Variants in MAP4K5 observed in about 807,000 individuals in gnomAD.
MAP4K5 encodes the protein mitogen-activated protein kinase kinase kinase kinase 5, also known as MAPK/ERK kinase kinase kinase 5.
In MAP4K5, 82 loss-of-function variants were observed where a neutral mutation model predicts 135.6. The ratio of observed to expected loss-of-function variants is 0.60; its 90% CI spans 0.51 to 0.73. The LOEUF (loss-of-function observed/expected upper bound fraction) is 0.73. MAP4K5 is among the 30% of genes least tolerant of loss of function. The probability of loss-of-function intolerance (pLI) is 0.00; values close to 1 mark genes in which losing one functional copy is unlikely to be tolerated. For missense variants in MAP4K5, 907 were observed against 1,010.9 expected, an observed-to-expected ratio of 0.90 and a Z score of 1.39; for synonymous variants, 347 against 335.0, an observed-to-expected ratio of 1.04 and a Z score of -0.39.
chr14:50,425,813 G>A, intron 31 of MAP4K5, 94 bp downstream of exon 31: 1 of 815,964 alleles, frequency 1.2e-6, no homozygotes, highest in Middle Eastern at 2.3e-4. Context: ...ACTAAACACA[G>A]TAATGTAGGT....
intron 9 of MAP4K5, among the ~76,000 whole-genome samples, chr14:50,474,297 G>C (rs2037045332): frequency 6.6e-6 from 1 of 151,906 alleles, no homozygotes; most frequent in African/African-American, 2.4e-5. Flanking sequence ...GGCTGAAATG[G>C]GAGGATCATC....
chr14:50,443,841 C>CT lies in MAP4K5; in HGVS notation c.1438-72dup, dbSNP rs2036282226. The CT allele has an allele frequency of 1.4e-5, 21 of 1,490,184 alleles. No homozygotes were observed. The South Asian group carries it at 1.8e-4, about 13-fold the overall frequency. 92.3% of individuals were successfully genotyped at this position (1,490,184 alleles called of 1,614,324 possible). A position where few individuals can be genotyped will look rare whatever the true frequency, so the allele number is the denominator to read the frequency against. On this transcript the variant is annotated intron_variant, in intron 19 of 32. Transcript: ENST00000682126. ...AAAAAGAAACTTGAGACATTTAGAACTTCTGTTACTTGAATTACTGAATTA... is the reference window on the plus strand; with the variant it reads ...AAAAAGAAACTTGAGACATTTAGAACTTTCTGTTACTTGAATTACTGAATTA...
Position 50,468,974 on chromosome 14 carries a change from A to C in MAP4K5, c.543-192T>G, listed in dbSNP as rs73286575. 9.4e-3 allele frequency among the ~76,000 whole-genome samples: 1,437 copies of C among 152,310 alleles called. 26 individuals are homozygous for C. The highest frequency in any genetic ancestry group is 0.033 in the African/African-American group (1,374 of 41,562). On this transcript the variant is annotated intron_variant, in intron 9 of 32. Coordinates refer to ENST00000682126, the MANE Select transcript of MAP4K5 (RefSeq NM_006575.6). ...TACACACTTTTAAAATTAATTAAGA[A>C]TCTTGAATGCCCTCCTCTGAATGTT...
chr14:50,500,470 A>G (rs955608254), intron 3 of MAP4K5, among the ~76,000 whole-genome samples: 6 of 152,240 alleles, frequency 3.9e-5, no homozygotes, highest in Admixed American at 2.6e-4. Context: ...GAGGCATAGT[A>G]GAGTAGGCAG....
At chr14:50,480,778 G>T (rs866134877) in intron 6 of MAP4K5, among the ~76,000 whole-genome samples, 1 of 151,980 alleles carries the variant, frequency 6.6e-6, no homozygotes, top group Non-Finnish European at 1.5e-5. Flanking sequence ...AAACACCTAG[G>T]GTATATGTAT....
chr14:50,523,042 T>C (rs1031693654), intron 2 of MAP4K5, among the ~76,000 whole-genome samples: 9 of 152,356 alleles, frequency 5.9e-5, no homozygotes, highest in Non-Finnish European at 1.0e-4. Flanking sequence ...CTGGGCGCAG[T>C]GGCTCACACC....
intron 10 of MAP4K5, among the ~76,000 whole-genome samples, chr14:50,468,168 G>C (rs2036873600): frequency 1.3e-5 from 2 of 151,842 alleles, no homozygotes; most frequent in Admixed American, 1.3e-4. Context: ...AACTAGAAAA[G>C]TTTCATCTGC....
At chr14:50,509,438 T>C (rs2037883869) in intron 2 of MAP4K5, among the ~76,000 whole-genome samples, 1 of 152,188 alleles carries the variant, frequency 6.6e-6, no homozygotes, top group Non-Finnish European at 1.5e-5. Flanking sequence ...CAAAATAATC[T>C]ACTGAAAACA....
intron 9 of MAP4K5, among the ~76,000 whole-genome samples, chr14:50,469,877 G>T (rs1279284145): frequency 6.6e-6 from 1 of 152,016 alleles, no homozygotes; most frequent in Non-Finnish European, 1.5e-5. Flanking sequence ...TATCCACAAG[G>T]TACAAGTTGC....
At chr14:50,461,152 A>G (rs1269349084) in intron 13 of MAP4K5, among the ~76,000 whole-genome samples, 1 of 151,848 alleles carries the variant, frequency 6.6e-6, no homozygotes, top group Non-Finnish European at 1.5e-5. Context: ...CAGCCTCCCA[A>G]GTAGCTGGGA....
At chr14:50,534,830 G>A (rs564537108), upstream of MAP4K5, among the ~76,000 whole-genome samples, 1 of 152,320 alleles carries the variant, frequency 6.6e-6, no homozygotes, top group African/African-American at 2.4e-5. Context: ...ATTTTAACAA[G>A]ATCAGTGAAG....
chr14:50,514,515 TAGAA>T (rs1473587663), intron 2 of MAP4K5, among the ~76,000 whole-genome samples: 1 of 152,146 alleles, frequency 6.6e-6, no homozygotes, highest in Non-Finnish European at 1.5e-5. Context: ...TTTTATCAGT[TAGAA>T]AGACAGAAAA....
At chr14:50,517,990 A>C (rs887995370) in intron 2 of MAP4K5, among the ~76,000 whole-genome samples, 1 of 152,198 alleles carries the variant, frequency 6.6e-6, no homozygotes, top group African/African-American at 2.4e-5. Flanking sequence ...CCTCAGATAC[A>C]AGGATAATAT....
At chr14:50,488,641 G>A (rs1032751142) in intron 3 of MAP4K5, among the ~76,000 whole-genome samples, 2 of 152,244 alleles carry the variant, frequency 1.3e-5, no homozygotes, top group Non-Finnish European at 2.9e-5. Flanking sequence ...AGTAGTTTGA[G>A]TTCTGGGTTC....
At chr14:50,449,117 A>AATGAC in intron 14 of MAP4K5, 1 of 319,652 alleles carries the variant, frequency 3.1e-6, no homozygotes, top group Non-Finnish European at 5.6e-6. Context: ...ATCAAAAATA[A>AATGAC]ATGACTAAGT....
intron 2 of MAP4K5, among the ~76,000 whole-genome samples, chr14:50,509,806 T>C (rs1448422353): frequency 6.6e-6 from 1 of 152,150 alleles, no homozygotes; most frequent in Non-Finnish European, 1.5e-5. Flanking sequence ...ACCTAAGAGA[T>C]CATTTAAATT....
At chr14:50,515,379 C>T (rs2038015410) in intron 2 of MAP4K5, among the ~76,000 whole-genome samples, 1 of 152,160 alleles carries the variant, frequency 6.6e-6, no homozygotes, top group South Asian at 2.1e-4. Flanking sequence ...CCTTTCAGCT[C>T]ACTTATTCTA....
At chr14:50,499,273 A>G (rs1344539833) in intron 3 of MAP4K5, among the ~76,000 whole-genome samples, 1 of 152,200 alleles carries the variant, frequency 6.6e-6, no homozygotes, top group African/African-American at 2.4e-5. Flanking sequence ...AATGAAACAG[A>G]AAGAATGCTG....
chr14:50,516,271 T>C (rs1417206460), intron 2 of MAP4K5, among the ~76,000 whole-genome samples: 1 of 152,262 alleles, frequency 6.6e-6, no homozygotes, highest in African/African-American at 2.4e-5. Flanking sequence ...TGGTCCCATT[T>C]ACTGAGATGA....
Sources: allele counts gnomAD v4.1 joint callset (sites outside exome capture counted in the v4.1 genomes callset), GRCh38; gene constraint gnomAD v4.1.1; transcripts MANE v1.5; gene names NCBI Gene and HGNC (gene_info 2026-07-23, HGNC 2026-07-21).